The following TCF7L2 variants were observed in gnomAD, a reference collection of about 807,000 sequenced individuals.
TCF7L2 encodes the protein transcription factor 7-like 2.
In TCF7L2, 23 loss-of-function variants were observed where a neutral mutation model predicts 77.9. The ratio of observed to expected loss-of-function variants is 0.30; its 90% CI spans 0.21 to 0.42. TCF7L2 has a LOEUF of 0.42. Among genes scored for constraint, TCF7L2 ranks in the 10% least tolerant of loss-of-function variants. The pLI is 1.00. For missense variants in TCF7L2, 654 were observed against 793.1 expected (o/e 0.82, Z 2.11); for synonymous variants, 413 against 340.2 (o/e 1.21, Z -2.36).
chr10:113,083,476 C>T (rs1458924000), intron 5 of TCF7L2, among the ~76,000 whole-genome samples: 1 of 152,138 alleles, frequency 6.6e-6, no homozygotes, highest in East Asian at 1.9e-4. Flanking sequence ...TTATCTGGAG[C>T]CCTGATGGCA....
rs532634365 is a variant in TCF7L2, at chr10:113,079,329, A to G, written c.552+39203A>G. 1.5e-4 allele frequency among the ~76,000 whole-genome samples: 23 copies of G among 152,306 alleles called. No homozygotes were observed. The South Asian group carries it at 4.6e-3, about 30-fold the overall frequency. ...ATTTGCCACACGGACTCCTGCCTGCATCTGCGTTGATGTGGCCACACGGAG... is the reference window on the plus strand; with the variant it reads ...ATTTGCCACACGGACTCCTGCCTGCGTCTGCGTTGATGTGGCCACACGGAG... On this transcript the variant is annotated intron_variant, in intron 5 of 13. Transcript: ENST00000627217.
At chr10:112,995,481 G>A (rs537009052) in intron 4 of TCF7L2, among the ~76,000 whole-genome samples, 98 of 152,262 alleles carry the variant, frequency 6.4e-4, no homozygotes, top group Middle Eastern at 3.4e-3. Context: ...GGACACCGGT[G>A]GTGCAGCGGG....
intron 5 of TCF7L2, among the ~76,000 whole-genome samples, chr10:113,107,752 T>TAA (rs398014821): frequency 0.07 from 3,836 of 55,156 alleles, 511 homozygotes; most frequent in East Asian, 0.47. Flanking sequence ...AGACTCCGTC[T>TAA]AAAAAAAAAA....
chr10:113,022,369 T>C (rs979748879), intron 4 of TCF7L2, among the ~76,000 whole-genome samples: 1 of 152,054 alleles, frequency 6.6e-6, no homozygotes, highest in African/African-American at 2.4e-5. Flanking sequence ...TGAGAACTGG[T>C]TGGAAGGGAG....
At chr10:113,074,838 A>AG (rs2058513081) in intron 5 of TCF7L2, among the ~76,000 whole-genome samples, 1 of 152,152 alleles carries the variant, frequency 6.6e-6, no homozygotes, top group Admixed American at 6.5e-5. Flanking sequence ...ACAGCTGGGC[A>AG]GGGGGTACTT....
At chr10:113,043,579 C>T (rs1449195584) in intron 5 of TCF7L2, among the ~76,000 whole-genome samples, 1 of 152,124 alleles carries the variant, frequency 6.6e-6, no homozygotes, top group African/African-American at 2.4e-5. Context: ...CTTCCTCCTC[C>T]CTGCCTTCCC....
intron 5 of TCF7L2, among the ~76,000 whole-genome samples, chr10:113,048,470 T>G (rs991047646): frequency 6.6e-6 from 1 of 152,206 alleles, no homozygotes; most frequent in Non-Finnish European, 1.5e-5. Context: ...GGTTAGGGAC[T>G]GGAGTTGATT....
At chr10:113,109,272 G>A (rs890399282) in intron 5 of TCF7L2, among the ~76,000 whole-genome samples, 1 of 152,180 alleles carries the variant, frequency 6.6e-6, no homozygotes, top group Non-Finnish European at 1.5e-5. Flanking sequence ...GCCACTTACG[G>A]TGTTATCTTG....
intron 5 of TCF7L2, among the ~76,000 whole-genome samples, chr10:113,082,145 T>C (rs1455059254): frequency 6.6e-6 from 1 of 151,850 alleles, no homozygotes; most frequent in Non-Finnish European, 1.5e-5. Context: ...TTTTTTTTTT[T>C]TTGCGTGCCT....
intron 8 of TCF7L2, 39 bp from the exon 9 acceptor site, chr10:113,150,959 T>A: frequency 6.2e-7 from 1 of 1,613,446 alleles, no homozygotes; most frequent in Non-Finnish European, 8.5e-7. Flanking sequence ...CATTCATTCA[T>A]TTTGATTCTG....
chr10:113,074,829 C>T (rs1330590701), intron 5 of TCF7L2, among the ~76,000 whole-genome samples: 1 of 152,140 alleles, frequency 6.6e-6, no homozygotes, highest in Non-Finnish European at 1.5e-5. Flanking sequence ...TTGGTTGTAA[C>T]AGCTGGGCAG....
At chr10:112,964,816 G>GTGGTGGTGGT (rs1331506565) in intron 4 of TCF7L2, among the ~76,000 whole-genome samples, 192 bp downstream of exon 4, 2 of 148,064 alleles carry the variant, frequency 1.4e-5, no homozygotes, top group African/African-American at 5.0e-5. Context: ...TGGTGGTGGG[G>GTGGTGGTGGT]GGGGGTTGAA....
At chr10:113,114,910 GA>G (rs1375593682) in intron 5 of TCF7L2, among the ~76,000 whole-genome samples, 2 of 152,158 alleles carry the variant, frequency 1.3e-5, no homozygotes. Context: ...GTATTGAAAT[GA>G]AAGTAGGAAA....
At chr10:113,002,408 A>G (rs2044653937) in intron 4 of TCF7L2, among the ~76,000 whole-genome samples, 1 of 151,680 alleles carries the variant, frequency 6.6e-6, no homozygotes, top group Admixed American at 6.6e-5. Context: ...ATTGGGAGGT[A>G]CTCCTGGCAT....
At position 113,152,437 on chromosome 10, in the gene TCF7L2, C is replaced by CTATGTAGGTG; in HGVS notation, c.1267_1269+7dup. ...ACCCCGGCTGGTCCGCGCGGGATAA[C>CTATGTAGGTG]TATGTAGGTGGATCATTTTCGTTAG... On this transcript the variant is annotated frameshift_variant, in exon 11 of 14. Coordinates refer to ENST00000627217, the MANE Select transcript of TCF7L2 (RefSeq NM_001146274.2). LOFTEE classifies it high-confidence loss of function. 6.2e-7 allele frequency: 1 copy of CTATGTAGGTG among 1,612,042 alleles called. No individual in the cohort carries two copies. Among genetic ancestry groups the CTATGTAGGTG allele is most frequent in the Non-Finnish European group, 8.5e-7 (1 of 1,178,504 alleles).
At chr10:113,137,872 A>G (rs899993682) in intron 5 of TCF7L2, among the ~76,000 whole-genome samples, 3 of 152,240 alleles carry the variant, frequency 2.0e-5, no homozygotes, top group African/African-American at 4.8e-5. Flanking sequence ...GGACTTAGGT[A>G]TAGTGGGACC....
chr10:113,096,251 T>C (rs1208851419), intron 5 of TCF7L2, among the ~76,000 whole-genome samples: 1 of 152,192 alleles, frequency 6.6e-6, no homozygotes, highest in Non-Finnish European at 1.5e-5. Context: ...TAGCAATCCC[T>C]TTTATGACGT....
At chr10:113,143,853 C>A in intron 6 of TCF7L2, 70 bp from the exon 7 acceptor site, 1 of 1,141,172 alleles carries the variant, frequency 8.8e-7, no homozygotes, top group Non-Finnish European at 1.3e-6. Flanking sequence ...TTTCCCTGTT[C>A]CCATCCCCTA....
intron 5 of TCF7L2, among the ~76,000 whole-genome samples, chr10:113,111,187 G>A (rs2063084790): frequency 6.6e-6 from 1 of 152,164 alleles, no homozygotes; most frequent in Non-Finnish European, 1.5e-5. Context: ...GTTTCTGTTA[G>A]AGGTTAACTG....
Sources: gnomAD v4.1 joint callset for allele counts (sites outside exome capture counted in the v4.1 genomes callset) on GRCh38, gnomAD v4.1.1 for gene constraint, MANE v1.5 for transcripts, NCBI Gene and HGNC (gene_info 2026-07-23, HGNC 2026-07-21) for gene names.